GNA12: variants seen among roughly 807,000 people sequenced by gnomAD.
GNA12 encodes guanine nucleotide-binding protein subunit alpha-12.
In GNA12, 9 loss-of-function variants were observed where a neutral mutation model predicts 26.0. The observed-to-expected ratio is 0.35, with a 90% CI of 0.21 to 0.60. The LOEUF (loss-of-function observed/expected upper bound fraction) is 0.60, where lower values mean the gene tolerates loss of function less well. Among genes scored for constraint, GNA12 ranks in the 20% least tolerant of loss-of-function variants. GNA12 has a pLI of 0.78. For synonymous variants in GNA12, 264 were observed against 219.6 expected, an observed-to-expected ratio of 1.20 and a Z score of -1.79; for missense variants, 405 against 525.8, an observed-to-expected ratio of 0.77 and a Z score of 2.25.
chr7:2,788,821 CT>C (rs1016636424), intron 2 of GNA12, among the ~76,000 whole-genome samples: 1 of 151,406 alleles, frequency 6.6e-6, no homozygotes, highest in Admixed American at 6.6e-5. Flanking sequence ...CTTACCTCCC[CT>C]TTTTTTTTCT....
chr7:2,796,536 C>T (rs1262702517), intron 1 of GNA12, among the ~76,000 whole-genome samples: 3 of 152,074 alleles, frequency 2.0e-5, no homozygotes, highest in East Asian at 1.9e-4. Context: ...CAGCTTAAAA[C>T]GGGTGGGAAA....
intron 1 of GNA12, among the ~76,000 whole-genome samples, chr7:2,818,759 G>GAGA (rs762972645): frequency 1.7e-5 from 2 of 114,766 alleles, no homozygotes; most frequent in African/African-American, 6.8e-5. Flanking sequence ...ACCCTAACTT[G>GAGA]AAAAAAAAAA....
In GNA12 at chr7:2,835,632, C is replaced by T. The variant is rs181716324; in HGVS notation, c.309+8221G>A. ...TCTCCAGTCCCGAGATGGTGGCCAC[C>T]ATGAAGAAGACGGCTGCAGAAGATG... On this transcript the variant is annotated intron_variant, in intron 1 of 3. Transcript: ENST00000275364. 1.1e-4 allele frequency: 84 copies of T among 781,366 alleles called. 3 individuals carry two copies. In the Admixed American group the frequency reaches 1.4e-3, roughly 13 times the overall value. The allele number at this position is 781,366 out of a possible 1,614,324, so 48.4% of individuals were successfully genotyped here. A position where few individuals can be genotyped will look rare whatever the true frequency, so the allele number is the denominator to read the frequency against.
At chr7:2,742,560 C>T (rs1159198197) in intron 2 of GNA12, among the ~76,000 whole-genome samples, 1 of 152,196 alleles carries the variant, frequency 6.6e-6, no homozygotes, top group Non-Finnish European at 1.5e-5. Flanking sequence ...TCCTCGCTTA[C>T]TTTGGTGCTC....
At chr7:2,836,640 A>G (rs771065251) in intron 1 of GNA12, among the ~76,000 whole-genome samples, 3 of 151,092 alleles carry the variant, frequency 2.0e-5, no homozygotes, top group Non-Finnish European at 3.0e-5. Context: ...ATAACAAGAG[A>G]AGGCCAGGTG....
At chr7:2,774,767 A>G (rs1258385114) in intron 2 of GNA12, among the ~76,000 whole-genome samples, 1 of 152,192 alleles carries the variant, frequency 6.6e-6, no homozygotes, top group Non-Finnish European at 1.5e-5. Flanking sequence ...GTCTAAGAAT[A>G]AACATAAGTA....
rs568700517 is a variant in GNA12 at position 2,823,349 on chromosome 7, C to T, written c.309+20504G>A. On this transcript the variant is annotated intron_variant, in intron 1 of 3. Coordinates refer to ENST00000275364, the MANE Select transcript of GNA12 (RefSeq NM_007353.3). Reference sequence around the variant, plus strand: ...AGGCTGATAGCAGTAAGGGCAAAAGCGTGTTCTGACACTCCAACTTCAACC... The same window carrying T: ...AGGCTGATAGCAGTAAGGGCAAAAGTGTGTTCTGACACTCCAACTTCAACC... 1.5e-4 allele frequency among the ~76,000 whole-genome samples: 23 copies of T among 152,286 alleles called. No homozygotes were observed. In the East Asian group the frequency reaches 4.1e-3, roughly 27 times the overall value.
chr7:2,736,474 G>T, intron 2 of GNA12, among the ~76,000 whole-genome samples: 1 of 152,216 alleles, frequency 6.6e-6, no homozygotes, highest in Non-Finnish European at 1.5e-5. Flanking sequence ...GAATGTGTCT[G>T]TCCTCTCACG....
chr7:2,771,309 AAC>A (rs1173124179), intron 2 of GNA12, among the ~76,000 whole-genome samples: 7 of 151,998 alleles, frequency 4.6e-5, no homozygotes, highest in Non-Finnish European at 2.9e-5. Flanking sequence ...AAAACCAAAA[AAC>A]CAAAAAAACG....
intron 2 of GNA12, among the ~76,000 whole-genome samples, chr7:2,759,915 G>A (rs1003021077): frequency 6.6e-6 from 1 of 152,212 alleles, no homozygotes; most frequent in African/African-American, 2.4e-5. Context: ...TCCGCTCCCT[G>A]CTTTCTGCCA....
At position 2,745,653 on chromosome 7, in the gene GNA12, A is replaced by C. The variant is rs193237143; in HGVS notation, c.526-12152T>G. ...CAGCTGACATCATAATGACAGGATC[A>C]AATTCACACATAACAATATTAACTT... On this transcript the variant is annotated intron_variant, in intron 2 of 3. Transcript: ENST00000275364. 8.5e-5 allele frequency among the ~76,000 whole-genome samples: 13 copies of C among 152,380 alleles called. 1 individual carries two copies. The highest frequency in any genetic ancestry group is 2.2e-4 in the African/African-American group (9 of 41,586).
chr7:2,728,790 A>T lies in GNA12; in HGVS notation c.*2391T>A, dbSNP rs564682310. ...CCTTCTTCTCCAATTACAATGTGTT[A>T]CAGAATTTGGAAGGGGGTGTCTTTA... On this transcript the variant is annotated 3_prime_UTR_variant, in exon 4 of 4. Transcript: ENST00000275364. The T allele has an allele frequency of 6.6e-6, 1 of 152,480 alleles. No homozygotes were observed. Among genetic ancestry groups the T allele is most frequent in the African/African-American group, 2.4e-5 (1 of 41,582 alleles). 9.4% of individuals were successfully genotyped at this position (152,480 alleles called of 1,614,324 possible). A position where few individuals can be genotyped will look rare whatever the true frequency, so the allele number is the denominator to read the frequency against.
intron 2 of GNA12, among the ~76,000 whole-genome samples, chr7:2,733,897 T>C (rs1416280177): frequency 6.6e-6 from 1 of 152,246 alleles, no homozygotes; most frequent in Non-Finnish European, 1.5e-5. Flanking sequence ...ACAGTCTTGC[T>C]TCTGTCGAAG....
At chr7:2,839,393 T>C (rs541808551) in intron 1 of GNA12, among the ~76,000 whole-genome samples, 12 of 152,058 alleles carry the variant, frequency 7.9e-5, no homozygotes, top group Non-Finnish European at 1.6e-4. Context: ...GGCTAATTTG[T>C]TTGTTTTTGA....
intron 1 of GNA12, among the ~76,000 whole-genome samples, chr7:2,831,241 A>G (rs1475102922): frequency 6.6e-6 from 1 of 151,836 alleles, no homozygotes; most frequent in African/African-American, 2.4e-5. Context: ...CTATTTCTCA[A>G]TTCTGACCAG....
At chr7:2,821,224 G>C (rs1398993042) in intron 1 of GNA12, among the ~76,000 whole-genome samples, 1 of 152,212 alleles carries the variant, frequency 6.6e-6, no homozygotes, top group Non-Finnish European at 1.5e-5. Flanking sequence ...CTGAGAAACA[G>C]AATCATTCCA....
intron 2 of GNA12, among the ~76,000 whole-genome samples, chr7:2,753,068 A>G (rs992811668): frequency 6.6e-6 from 1 of 152,104 alleles, no homozygotes; most frequent in African/African-American, 2.4e-5. Flanking sequence ...TTCCATCTCT[A>G]GAATGTATAG....
At chr7:2,741,915 C>A (rs931737567) in intron 2 of GNA12, among the ~76,000 whole-genome samples, 4 of 151,518 alleles carry the variant, frequency 2.6e-5, no homozygotes, top group Non-Finnish European at 5.9e-5. Context: ...TATACAGATA[C>A]AGCATTATAA....
intron 2 of GNA12, among the ~76,000 whole-genome samples, chr7:2,749,189 C>G (rs1202541342): frequency 6.6e-6 from 1 of 152,122 alleles, no homozygotes; most frequent in South Asian, 2.1e-4. Flanking sequence ...ATAAATCATG[C>G]TGCTATAAAG....
Sources: allele counts gnomAD v4.1 joint callset (sites outside exome capture counted in the v4.1 genomes callset), GRCh38; gene constraint gnomAD v4.1.1; transcripts MANE v1.5; gene names NCBI Gene and HGNC (gene_info 2026-07-23, HGNC 2026-07-21).